The following RIN2 variants were observed in gnomAD, a reference collection of about 807,000 sequenced individuals.
RIN2 encodes RAB5 interacting protein 2.
Under a neutral mutation model 78.0 loss-of-function variants are expected in RIN2, and 36 were observed. The ratio of observed to expected loss-of-function variants is 0.46; its 90% CI spans 0.35 to 0.61. The LOEUF (loss-of-function observed/expected upper bound fraction) is 0.61, where lower values mean the gene tolerates loss of function less well. RIN2 is among the 20% of genes least tolerant of loss of function. The pLI, the probability that RIN2 is intolerant of heterozygous loss-of-function variation, is 0.00. For missense variants in RIN2, 1,087 were observed against 1,159.7 expected (o/e 0.94, Z 0.91); for synonymous variants, 466 against 466.8 (o/e 1.00, Z 0.02).
At chr20:19,788,186 C>G (rs6035437) in intron 1 of RIN2, among the ~76,000 whole-genome samples, 1 of 152,084 alleles carries the variant, frequency 6.6e-6, no homozygotes, top group Non-Finnish European at 1.5e-5. Context: ...CCCTATCACT[C>G]TTATTCACTG....
chr20:19,767,881 C>T (rs1231884036), intron 1 of RIN2, among the ~76,000 whole-genome samples: 3 of 149,794 alleles, frequency 2.0e-5, no homozygotes, highest in Admixed American at 6.7e-5. Context: ...GCCGAGATCA[C>T]GCCACTGCAC....
intron 11 of RIN2, among the ~76,000 whole-genome samples, chr20:19,995,816 A>C (rs2042943624): frequency 6.6e-6 from 1 of 151,994 alleles, no homozygotes; most frequent in South Asian, 2.1e-4. Flanking sequence ...TTTCCTTTTT[A>C]CTTTTTTTTA....
chr20:19,861,498 GATATCTGATCACCCTCC>G (rs961631735), intron 2 of RIN2, among the ~76,000 whole-genome samples: 14 of 152,094 alleles, frequency 9.2e-5, no homozygotes, highest in South Asian at 2.1e-4. Context: ...CCCTGCCCTC[GATATCTGATCACCCTCC>G]ATATCTGATC....
chr20:19,977,843 G>A (rs2042328844), intron 9 of RIN2, among the ~76,000 whole-genome samples: 1 of 152,064 alleles, frequency 6.6e-6, no homozygotes, highest in Non-Finnish European at 1.5e-5. Flanking sequence ...CTTTTTCTGT[G>A]GGTTTGTTTG....
At position 19,847,246 on chromosome 20, in the gene RIN2, T is replaced by A. The variant is rs369107189; in HGVS notation, c.-36-42320T>A. Among the ~76,000 whole-genome samples, 9 of 152,324 alleles carry A rather than the reference T, an allele frequency of 5.9e-5. No individual in the cohort carries two copies. In the East Asian group the frequency reaches 1.5e-3, roughly 26 times the overall value. On this transcript the variant is annotated intron_variant, in intron 2 of 12. Coordinates refer to ENST00000255006, the MANE Select transcript of RIN2 (RefSeq NM_018993.4). ...GCATTTGTTTGCAGTTTTCATGTAA[T>A]TTTTCCCTTAGTGAAAGTCCAAAGG...
chr20:19,919,310 A>C (rs1265719909), intron 3 of RIN2, among the ~76,000 whole-genome samples: 1 of 152,246 alleles, frequency 6.6e-6, no homozygotes, highest in Non-Finnish European at 1.5e-5. Flanking sequence ...CAACCAAACA[A>C]GTCACTAATA....
chr20:19,779,523 C>T (rs185163086), intron 1 of RIN2, among the ~76,000 whole-genome samples: 2 of 152,160 alleles, frequency 1.3e-5, no homozygotes, highest in African/African-American at 4.8e-5. Flanking sequence ...GATGAGAGAA[C>T]GTGGAAGCTG....
chr20:19,873,877 T>G (rs560660791), intron 2 of RIN2, among the ~76,000 whole-genome samples: 1 of 152,290 alleles, frequency 6.6e-6, no homozygotes, highest in Admixed American at 6.5e-5. Context: ...TATTTGTGAC[T>G]CCCAAATCAA....
chr20:19,849,713 C>G (rs2036901110), intron 2 of RIN2, among the ~76,000 whole-genome samples: 1 of 152,026 alleles, frequency 6.6e-6, no homozygotes, highest in African/African-American at 2.4e-5. Context: ...ACCGGACTTT[C>G]AGCTGACTCC....
At chr20:19,889,371 G>A (rs1463453822) in intron 2 of RIN2, 195 bp from the exon 3 acceptor site, 2 of 1,233,404 alleles carry the variant, frequency 1.6e-6, no homozygotes, top group Non-Finnish European at 2.1e-6. Context: ...CTGGCGAGGT[G>A]GGGCAGTCTA....
chr20:19,828,843 TGCTCTGTATGATCATTGGGATG>T (rs2036171817), intron 2 of RIN2, among the ~76,000 whole-genome samples: 2 of 152,258 alleles, frequency 1.3e-5, no homozygotes, highest in African/African-American at 4.8e-5. Flanking sequence ...TTGCTTGTTC[TGCTCTGTATGATCATTGGGATG>T]GTCCAACCGG....
chr20:19,997,650 T>G (rs574448283), intron 12 of RIN2, among the ~76,000 whole-genome samples: 1 of 151,982 alleles, frequency 6.6e-6, no homozygotes, highest in South Asian at 2.1e-4. Flanking sequence ...TCCCAGCTAC[T>G]TGGGAGGCTG....
intron 2 of RIN2, among the ~76,000 whole-genome samples, chr20:19,810,986 C>T (rs1404208678): frequency 6.6e-6 from 1 of 151,498 alleles, no homozygotes; most frequent in Non-Finnish European, 1.5e-5. Context: ...GCTGGGATTA[C>T]AGGCGTGAAC....
chr20:19,768,922 C>CTTTT lies in RIN2; in HGVS notation c.-163+10609_-163+10612dup, dbSNP rs778608472. Among the ~76,000 whole-genome samples the CTTTT allele has an allele frequency of 5.2e-5, 7 of 135,836 alleles. No homozygotes were observed. The East Asian group carries it at 6.5e-4, about 13-fold the overall frequency. 89.1% of individuals were successfully genotyped at this position (135,836 alleles called of 152,430 possible). A position where few individuals can be genotyped will look rare whatever the true frequency, so the allele number is the denominator to read the frequency against. On this transcript the variant is annotated intron_variant, in intron 1 of 12. Transcript: ENST00000255006. ...CTTGGAAATACTTTGCTTTCTGTTT[C>CTTTT]TTTTTTTTTTTTTTTTTGAGACCGA... is the stretch of plus-strand genomic sequence containing the variant.
chr20:19,852,148 C>T (rs7263747), intron 2 of RIN2, among the ~76,000 whole-genome samples: 1 of 152,210 alleles, frequency 6.6e-6, no homozygotes, highest in African/African-American at 2.4e-5. Context: ...CAGGTCATGC[C>T]GTGAAACCCC....
intron 2 of RIN2, among the ~76,000 whole-genome samples, chr20:19,865,599 C>T (rs1000816135): frequency 6.6e-6 from 1 of 151,282 alleles, no homozygotes; most frequent in African/African-American, 2.4e-5. Flanking sequence ...GTGATCTTCC[C>T]TCCTCAGCCT....
chr20:19,773,642 C>T (rs548766188), intron 1 of RIN2, among the ~76,000 whole-genome samples: 7 of 148,992 alleles, frequency 4.7e-5, no homozygotes, highest in African/African-American at 1.8e-4. Context: ...TATTAGACCA[C>T]CCTGACTGGT....
chr20:19,962,507 C>T (rs2041798014), intron 6 of RIN2, among the ~76,000 whole-genome samples: 1 of 152,132 alleles, frequency 6.6e-6, no homozygotes, highest in South Asian at 2.1e-4. Context: ...GGTTTTTCCC[C>T]CATAATTTGA....
intron 2 of RIN2, among the ~76,000 whole-genome samples, chr20:19,869,822 T>TGA (rs1171782179): frequency 5.0e-4 from 76 of 150,940 alleles, no homozygotes; most frequent in African/African-American, 1.7e-3. Context: ...ATTTATTTAT[T>TGA]TATTTATTTA....
Sources: gnomAD v4.1 joint callset for allele counts (sites outside exome capture counted in the v4.1 genomes callset) on GRCh38, gnomAD v4.1.1 for gene constraint, MANE v1.5 for transcripts, NCBI Gene and HGNC (gene_info 2026-07-23, HGNC 2026-07-21) for gene names.